The following ANO10 variants were observed in gnomAD, a reference collection of about 807,000 sequenced individuals.
The protein encoded by ANO10 is anoctamin 10.
A neutral mutation model predicts 74.7 loss-of-function variants in ANO10; 77 were observed. That is an observed-to-expected ratio of 1.03 (90% CI 0.86 to 1.25). ANO10 has a LOEUF of 1.25. ANO10 is among the 50% of genes most tolerant of loss of function. The pLI is 0.00. For synonymous variants in ANO10, 279 were observed against 284.9 expected (o/e 0.98, Z 0.21); for missense variants, 721 against 778.1 (o/e 0.93, Z 0.87).
At chr3:43,664,108 T>C (rs561137224) in intron 1 of ANO10, among the ~76,000 whole-genome samples, 2 of 152,254 alleles carry the variant, frequency 1.3e-5, no homozygotes, top group East Asian at 3.9e-4. Context: ...GCTGGAGGCA[T>C]TACACTACCT....
At chr3:43,415,309 G>C (rs1019128021) in intron 12 of ANO10, among the ~76,000 whole-genome samples, 4 of 151,816 alleles carry the variant, frequency 2.6e-5, no homozygotes, top group Admixed American at 6.6e-5. Context: ...AACTGAGGCC[G>C]AGAGGTTTGG....
At chr3:43,612,838 G>A (rs2082895372) in intron 1 of ANO10, among the ~76,000 whole-genome samples, 2 of 151,758 alleles carry the variant, frequency 1.3e-5, no homozygotes, top group South Asian at 2.1e-4. Context: ...GTTTTGTCAG[G>A]GGCAAAAAAG....
intron 7 of ANO10, among the ~76,000 whole-genome samples, chr3:43,568,139 C>T (rs1263518048): frequency 7.0e-6 from 1 of 143,114 alleles, no homozygotes; most frequent in Admixed American, 7.0e-5. Context: ...GCTAACTATC[C>T]TAAATATATA....
At chr3:43,534,378 C>G (rs1016503477) in intron 11 of ANO10, among the ~76,000 whole-genome samples, 3 of 152,198 alleles carry the variant, frequency 2.0e-5, no homozygotes, top group Non-Finnish European at 4.4e-5. Flanking sequence ...ATGGTTCTTT[C>G]TCCCAATGAT....
intron 11 of ANO10, chr3:43,485,843 A>C (rs554265102): frequency 1.9e-4 from 55 of 283,482 alleles, no homozygotes; most frequent in Non-Finnish European, 3.7e-4. Flanking sequence ...GCAGCGACCC[A>C]CCACCTTGTA....
At chr3:43,412,477 G>A (rs1313667255) in intron 12 of ANO10, among the ~76,000 whole-genome samples, 1 of 152,208 alleles carries the variant, frequency 6.6e-6, no homozygotes, top group African/African-American at 2.4e-5. Context: ...TGGGCCAGCT[G>A]CTCTGGCGCA....
At chr3:43,654,875 T>C (rs990334487) in intron 1 of ANO10, among the ~76,000 whole-genome samples, 1 of 152,226 alleles carries the variant, frequency 6.6e-6, no homozygotes, top group African/African-American at 2.4e-5. Flanking sequence ...TTGTACCTTA[T>C]GTTTATATGT....
chr3:43,505,929 C>T (rs1383437892), intron 11 of ANO10, among the ~76,000 whole-genome samples: 3 of 151,762 alleles, frequency 2.0e-5, no homozygotes, highest in South Asian at 4.2e-4. Context: ...CCTTGTTTCT[C>T]GGAACAGCTA....
At chr3:43,474,970 AAAAG>A (rs2076010142) in intron 11 of ANO10, among the ~76,000 whole-genome samples, 1 of 152,160 alleles carries the variant, frequency 6.6e-6, no homozygotes, top group East Asian at 1.9e-4. Flanking sequence ...ATAGTAGGAG[AAAAG>A]AAAGAAACAC....
At chr3:43,497,635 T>G (rs750836332) in intron 11 of ANO10, among the ~76,000 whole-genome samples, 42 of 152,126 alleles carry the variant, frequency 2.8e-4, no homozygotes, top group Non-Finnish European at 4.6e-4. Flanking sequence ...CTGAGGAGCC[T>G]AAGTCCCTGG....
intron 11 of ANO10, among the ~76,000 whole-genome samples, chr3:43,486,787 C>G (rs1024937011): frequency 7.2e-5 from 11 of 151,728 alleles, no homozygotes. Context: ...TAATTGAATA[C>G]CCTTTATTTC....
chr3:43,426,153 GTATT>G (rs1434404761), intron 12 of ANO10, among the ~76,000 whole-genome samples: 2 of 151,862 alleles, frequency 1.3e-5, no homozygotes, highest in Admixed American at 1.3e-4. Context: ...TACCTCACAT[GTATT>G]TATTTATGTC....
At chr3:43,673,994 G>C (rs1575588667) in intron 1 of ANO10, among the ~76,000 whole-genome samples, 1 of 152,274 alleles carries the variant, frequency 6.6e-6, no homozygotes, top group South Asian at 2.1e-4. Flanking sequence ...GTATGTGAAG[G>C]ACATCAGAAT....
At chr3:43,566,593 C>T (rs1227918058) in intron 7 of ANO10, among the ~76,000 whole-genome samples, 2 of 152,184 alleles carry the variant, frequency 1.3e-5, no homozygotes, top group Non-Finnish European at 2.9e-5. Context: ...CCTCACACGG[C>T]AGGGTATTCC....
chr3:43,591,586 G>C (rs1252578629), intron 4 of ANO10, among the ~76,000 whole-genome samples: 1 of 152,184 alleles, frequency 6.6e-6, no homozygotes, highest in Non-Finnish European at 1.5e-5. Context: ...AAGATTGGAA[G>C]GTGGTATTAC....
intron 12 of ANO10, among the ~76,000 whole-genome samples, chr3:43,387,392 T>C (rs2092153253): frequency 1.3e-5 from 2 of 152,106 alleles, no homozygotes; most frequent in Non-Finnish European, 2.9e-5. Context: ...TCCAGCCTCA[T>C]CTTGGGGTGC....
At chr3:43,507,888 C>T (rs2077355831) in intron 11 of ANO10, among the ~76,000 whole-genome samples, 1 of 151,882 alleles carries the variant, frequency 6.6e-6, no homozygotes, top group African/African-American at 2.4e-5. Flanking sequence ...CAATTGCCAA[C>T]AAATACTTGC....
At chr3:43,481,923 T>C (rs2076284280) in intron 11 of ANO10, among the ~76,000 whole-genome samples, 1 of 149,624 alleles carries the variant, frequency 6.7e-6, no homozygotes, top group South Asian at 2.1e-4. Context: ...TTTTCTTTTT[T>C]TTTCTTTTTT....
chr3:43,672,114 CA>C (rs2084066457), intron 1 of ANO10, among the ~76,000 whole-genome samples: 1 of 152,194 alleles, frequency 6.6e-6, no homozygotes, highest in Non-Finnish European at 1.5e-5. Flanking sequence ...TTACTTTCCA[CA>C]AAAGAGTACC....
Sources: gnomAD v4.1 joint callset for allele counts (sites outside exome capture counted in the v4.1 genomes callset) on GRCh38, gnomAD v4.1.1 for gene constraint, MANE v1.5 for transcripts, NCBI Gene and HGNC (gene_info 2026-07-23, HGNC 2026-07-21) for gene names.